Variants in ASXL3 observed in about 807,000 individuals in gnomAD.
The protein encoded by ASXL3 is putative Polycomb group protein ASXL3.
ASXL3 carries 34 observed loss-of-function variants against 170.6 expected under a neutral mutation model. The observed-to-expected ratio is 0.20, with a 90% CI of 0.15 to 0.27. The LOEUF is 0.27. Among genes scored for constraint, ASXL3 ranks in the 10% least tolerant of loss-of-function variants. ASXL3 has a pLI of 1.00. For missense variants in ASXL3, 2,592 were observed against 2,695.3 expected (o/e 0.96, Z 0.85); for synonymous variants, 1,002 against 989.1 (o/e 1.01, Z -0.24).
chr18:33,717,953 AG>A (rs1472430106), intron 8 of ASXL3, among the ~76,000 whole-genome samples: 1 of 152,098 alleles, frequency 6.6e-6, no homozygotes, highest in African/African-American at 2.4e-5. Flanking sequence ...CCTAAGCAAA[AG>A]CTAAAATCTA....
chr18:33,735,822 C>T (rs62091163), intron 10 of ASXL3, among the ~76,000 whole-genome samples: 5,638 of 152,218 alleles, frequency 0.037, 123 homozygotes, highest in Non-Finnish European at 0.043. Context: ...ATTTATCTAA[C>T]ATCTCCTCTG....
chr18:33,742,891 C>A lies in ASXL3; in HGVS notation c.3043C>A (p.Gln1015Lys). The A allele has an allele frequency of 6.3e-7, 1 of 1,586,850 alleles. No homozygotes were observed. The part of the protein sequence containing the change: ...EEPRVPPLKI[Q>K]LSKIGPPFII... ...TTTTTTTCTGTCCTCCTTTTAGATT[C>A]AGCTTTCCAAAATTGGGCCACCTTT... Residue 1015 changes from glutamine to lysine, a missense_variant, in exon 12 of 12, where the codon CAG becomes AAG. This residue lies in a region of ASXL3 where 2,246 missense variants were observed against 2,219.6 expected (regional missense o/e 1.01). Coordinates refer to ENST00000269197, the MANE Select transcript of ASXL3 (RefSeq NM_030632.3).
In ASXL3 at chr18:33,743,753, G is replaced by A; in HGVS notation, c.3905G>A (p.Ser1302Asn). Residue 1302 changes from serine (S) to asparagine (N), a missense_variant, in exon 12 of 12, where the codon AGC becomes AAC. Ser to Asn is a conservative substitution (Grantham distance 46, BLOSUM62 1). Around this residue, in one of 4 missense-constraint regions of ASXL3, gnomAD observed 2,246 missense variants for 2,219.6 expected, o/e 1.01. Transcript: ENST00000269197. The stretch of plus-strand genomic sequence containing the variant: ...GCCATTATACCAAAATGTATTGAAA[G>A]CACTCCCATTTCAGCCACTACAGAG... ...CIAIIPKCIE[S>N]TPISATTEGS... is the part of the protein sequence containing the mutation. 1 of 1,613,888 alleles carries A rather than the reference G, an allele frequency of 6.2e-7. No homozygotes were observed. Among genetic ancestry groups the A allele is most frequent in the South Asian group, 1.1e-5 (1 of 91,082 alleles).
At chr18:33,633,786 A>C (rs2065721163) in intron 2 of ASXL3, among the ~76,000 whole-genome samples, 1 of 149,480 alleles carries the variant, frequency 6.7e-6, no homozygotes, top group Non-Finnish European at 1.5e-5. Flanking sequence ...CAGAGGTTGC[A>C]GTGAGCCAAG....
chr18:33,646,349 T>G lies in ASXL3; in HGVS notation c.351T>G (p.Asn117Lys), dbSNP rs371996020. The change falls in exon 4 of 12, where the codon AAT becomes AAG. Residue 117 changes from asparagine to lysine, a missense_variant. Transcript: ENST00000269197. ...MAEANAHGEE[N>K]GVCSKQVTDE... ...AGGCAAATGCCCATGGAGAAGAAAATGGAGGTAAGTGTGATGAATTCCAAA... is the reference window on the plus strand; with the variant it reads ...AGGCAAATGCCCATGGAGAAGAAAAGGGAGGTAAGTGTGATGAATTCCAAA... 2 of 1,604,564 alleles carry G rather than the reference T, an allele frequency of 1.2e-6. No individual in the cohort carries two copies. Among genetic ancestry groups the G allele is most frequent in the African/African-American group, 2.7e-5 (2 of 74,492 alleles).
chr18:33,661,533 C>G lies in ASXL3; in HGVS notation c.356-83C>G, dbSNP rs9304126. 778,981 of 1,346,258 alleles carry G rather than the reference C, an allele frequency of 0.58. 229,552 individuals carry two copies. The highest frequency in any genetic ancestry group is 0.88 in the East Asian group (33,648 of 38,336). 83.4% of individuals were successfully genotyped at this position (1,346,258 alleles called of 1,614,324 possible). On this transcript the variant is annotated intron_variant, in intron 4 of 11. Transcript: ENST00000269197. Reference sequence around the variant, plus strand: ...TATTTTAGGTATCCATTTTCAATTGCAGAAAAGCTCCAAGTGTGTAATTAC... The same window carrying G: ...TATTTTAGGTATCCATTTTCAATTGGAGAAAAGCTCCAAGTGTGTAATTAC...
At chr18:33,654,104 A>G (rs930016631) in intron 4 of ASXL3, among the ~76,000 whole-genome samples, 3 of 152,060 alleles carry the variant, frequency 2.0e-5, no homozygotes, top group Non-Finnish European at 4.4e-5. Flanking sequence ...TTCTTTTTAA[A>G]TGGGATGAAG....
chr18:33,659,176 G>A (rs1437391101), intron 4 of ASXL3, among the ~76,000 whole-genome samples: 1 of 152,044 alleles, frequency 6.6e-6, no homozygotes, highest in Non-Finnish European at 1.5e-5. Context: ...TAGGAGGGAT[G>A]CGAGGCCTCA....
chr18:33,701,381 A>G (rs2066871383), intron 8 of ASXL3, among the ~76,000 whole-genome samples: 1 of 152,088 alleles, frequency 6.6e-6, no homozygotes, highest in African/African-American at 2.4e-5. Flanking sequence ...CATTTTAGGG[A>G]GTGTTGTCAT....
intron 5 of ASXL3, among the ~76,000 whole-genome samples, chr18:33,666,020 A>ATT (rs1599466549): frequency 6.6e-6 from 1 of 152,182 alleles, no homozygotes; most frequent in Non-Finnish European, 1.5e-5. Context: ...AAATCCAATT[A>ATT]TACTCCTTCT....
At chr18:33,652,778 C>T (rs571392485) in intron 4 of ASXL3, among the ~76,000 whole-genome samples, 3 of 151,874 alleles carry the variant, frequency 2.0e-5, no homozygotes, top group Middle Eastern at 3.4e-3. Flanking sequence ...CTTAATGAAA[C>T]GTTACTCAGC....
intron 8 of ASXL3, among the ~76,000 whole-genome samples, chr18:33,730,166 A>G (rs1473663962): frequency 1.3e-5 from 2 of 152,006 alleles, no homozygotes; most frequent in Non-Finnish European, 2.9e-5. Flanking sequence ...ATTGATAGGG[A>G]GTTGCTCCTG....
chr18:33,744,964 C>G lies in ASXL3; in HGVS notation c.5116C>G (p.Gln1706Glu). 1.9e-6 allele frequency: 3 copies of G among 1,614,006 alleles called. No individual in the cohort carries two copies. The highest frequency in any genetic ancestry group is 2.5e-6 in the Non-Finnish European group (3 of 1,179,898). ...AEGASSVQQT[Q>E]NMKASTSSPM... is the part of the protein sequence containing the mutation. ...GGGAGCCTCTAGTGTACAACAAACA[C>G]AGAACATGAAAGCTTCCACCTCAAG... The change falls in exon 12 of 12, where the codon CAG (glutamine) becomes GAG (glutamate). Residue 1706 changes from glutamine to glutamate, a missense_variant. By Grantham distance (29) the Gln-to-Glu change is conservative. Transcript: ENST00000269197.
At chr18:33,709,473 A>G (rs1236177127) in intron 8 of ASXL3, among the ~76,000 whole-genome samples, 1 of 152,208 alleles carries the variant, frequency 6.6e-6, no homozygotes, top group Non-Finnish European at 1.5e-5. Context: ...CGACATCTAC[A>G]TGCAACACCA....
chr18:33,721,122 G>T (rs1208864344), intron 8 of ASXL3, among the ~76,000 whole-genome samples: 1 of 152,110 alleles, frequency 6.6e-6, no homozygotes, highest in South Asian at 2.1e-4. Context: ...TAGAATAAGA[G>T]AATTGTTTTC....
intron 2 of ASXL3, among the ~76,000 whole-genome samples, chr18:33,622,112 A>G (rs2065524366): frequency 1.3e-5 from 2 of 152,300 alleles, no homozygotes; most frequent in South Asian, 2.1e-4. Context: ...CATTAGTAAC[A>G]TTTAAATTTT....
intron 2 of ASXL3, among the ~76,000 whole-genome samples, chr18:33,608,035 T>C (rs1451023679): frequency 1.3e-5 from 2 of 152,006 alleles, no homozygotes; most frequent in African/African-American, 4.8e-5. Context: ...TCCTAGGATA[T>C]AAAGATGAGC....
chr18:33,597,556 T>G (rs148149911), intron 1 of ASXL3, among the ~76,000 whole-genome samples: 94 of 152,186 alleles, frequency 6.2e-4, no homozygotes, highest in African/African-American at 2.0e-3. Context: ...GAAAAATACC[T>G]AAAGGTAGAT....
chr18:33,639,989 A>G (rs1389755013), intron 2 of ASXL3, among the ~76,000 whole-genome samples: 3 of 152,176 alleles, frequency 2.0e-5, no homozygotes, highest in Non-Finnish European at 4.4e-5. Context: ...ATTGAATATC[A>G]AAAACCACAT....
Sources: gnomAD v4.1 joint callset for allele counts (sites outside exome capture counted in the v4.1 genomes callset) on GRCh38, gnomAD v4.1.1 for gene constraint, gnomAD v4.1.1 regional missense constraint, MANE v1.5 for transcripts, NCBI Gene and HGNC (gene_info 2026-07-23, HGNC 2026-07-21) for gene names.